The following TCF3 variants were observed in gnomAD, a reference collection of about 807,000 sequenced individuals.
The protein encoded by TCF3 is transcription factor 3.
A neutral mutation model predicts 72.3 loss-of-function variants in TCF3; 54 were observed. The observed-to-expected ratio is 0.75, with a 90% confidence interval of 0.60 to 0.94. TCF3 has a LOEUF of 0.94. Among genes scored for constraint, TCF3 ranks in the 40% least tolerant of loss-of-function variants. The pLI is 0.00. For synonymous variants in TCF3, 525 were observed against 412.6 expected (o/e 1.27, Z -3.30); for missense variants, 1,078 against 934.4 (o/e 1.15, Z -2.00).
At chr19:1,650,061 T>C (rs2066770500) in intron 2 of TCF3, 116 bp downstream of exon 2, 1 of 1,076,232 alleles carries the variant, frequency 9.3e-7, no homozygotes. Flanking sequence ...GGGCCTCCCA[T>C]CCAAACAGCT....
rs184503505 is a variant in TCF3 at position 1,625,759 on chromosome 19, G to A, written c.367-51C>T. On this transcript the variant is annotated intron_variant, in intron 6 of 18. Transcript: ENST00000262965. ...GCGCCCAGCTGGCATCCAGACCCCA[G>A]GCTGTTCCATTCAAGAAAAAACTGC... 66 of 1,443,554 alleles carry A rather than the reference G, an allele frequency of 4.6e-5. No homozygotes were observed. The African/African-American group carries it at 8.3e-4, about 18-fold the overall frequency. 89.4% of individuals were successfully genotyped at this position (1,443,554 alleles called of 1,614,324 possible).
Position 1,615,439 on chromosome 19 carries a change from G to A in TCF3, c.1668C>T (p.Ala556=), listed in dbSNP as rs1052758. Residue 556 remains alanine, a synonymous_variant, in exon 18 of 19, where the codon GCC becomes GCT. Coordinates refer to ENST00000262965, the MANE Select transcript of TCF3 (RefSeq NM_003200.5). This position sits in a 1 kb window ranked among gnomAD's most constrained non-coding sequence, Gnocchi z 7.3. ...REKERRVANN[A]RERLRVRDIN... ...TGTCACGGACCCGCAGCCGCTCCCGGGCGTTATTGGCCACCCGGCGCTCCT... is the reference window on the plus strand; with the variant it reads ...TGTCACGGACCCGCAGCCGCTCCCGAGCGTTATTGGCCACCCGGCGCTCCT... 2 of 1,613,564 alleles carry A rather than the reference G, an allele frequency of 1.2e-6. No individual in the cohort carries two copies. The highest frequency in any genetic ancestry group is 1.7e-5 in the Admixed American group (1 of 60,028).
At chr19:1,650,091 A>G in intron 2 of TCF3, 86 bp downstream of exon 2, 1 of 1,300,762 alleles carries the variant, frequency 7.7e-7, no homozygotes, top group Non-Finnish European at 1.1e-6. Context: ...TCGCTGAAGT[A>G]TTCAGCAAAC....
In TCF3 at chr19:1,624,333, C is replaced by T. The variant is rs10422334; in HGVS notation, c.500-333G>A. ...ATCACTTGAACCCGGGAGGCAGAGG[C>T]TGCAGTGAGCCGAGATCGTGTCACT... On this transcript the variant is annotated intron_variant, in intron 7 of 18. Coordinates refer to ENST00000262965, the MANE Select transcript of TCF3 (RefSeq NM_003200.5). Among the ~76,000 whole-genome samples, 1,257 of 152,180 alleles carry T rather than the reference C, an allele frequency of 8.3e-3. 21 individuals are homozygous for T. Among genetic ancestry groups the T allele is most frequent in the African/African-American group, 0.029 (1,187 of 41,514 alleles).
chr19:1,617,270 T>C (rs1269856408), intron 16 of TCF3, among the ~76,000 whole-genome samples: 5 of 152,176 alleles, frequency 3.3e-5, no homozygotes, highest in Non-Finnish European at 7.3e-5. Flanking sequence ...TGGAATGACC[T>C]ACAGCCCCAC....
At chr19:1,650,321 A>C in intron 1 of TCF3, 34 bp from the exon 2 acceptor site, 1 of 1,437,258 alleles carries the variant, frequency 7.0e-7, no homozygotes, top group Non-Finnish European at 9.5e-7. Flanking sequence ...ATGGACAGGG[A>C]GAAACAGGGA....
intron 5 of TCF3, among the ~76,000 whole-genome samples, chr19:1,629,708 G>C (rs1010966810): frequency 3.9e-5 from 6 of 152,210 alleles, no homozygotes; most frequent in Non-Finnish European, 5.9e-5. Context: ...GCTGACACTG[G>C]GCACGGAATG....
chr19:1,632,149 G>A (rs756785044), intron 4 of TCF3, 33 bp from the exon 5 acceptor site: 10 of 1,604,786 alleles, frequency 6.2e-6, no homozygotes, highest in Non-Finnish European at 8.5e-7. Flanking sequence ...GAGAGGTGCT[G>A]GGGCTTCACA....
intron 3 of TCF3, among the ~76,000 whole-genome samples, chr19:1,642,894 C>T (rs920440012): frequency 5.3e-5 from 8 of 152,322 alleles, no homozygotes; most frequent in Admixed American, 3.3e-4. Flanking sequence ...AAGCAGAACG[C>T]GGAGGTGCCG....
In TCF3 at chr19:1,615,501, C is replaced by T. The variant is rs765725759; in HGVS notation, c.1606G>A (p.Asp536Asn). The stretch of plus-strand genomic sequence containing the variant: ...GCCTTCTGCTCTGGGGGGAGAAGGT[C>T]GTCCTCGTCCTCGTCTGGGCTATGG... ...ARTSPDEDED[D>N]LLPPEQKAER... The change falls in exon 18 of 19, where the codon GAC becomes AAC. Residue 536 changes from aspartate (D) to asparagine (N), a missense_variant. By Grantham distance (23) the Asp-to-Asn change is conservative. Transcript: ENST00000262965. This position sits in a 1 kb window ranked among gnomAD's most constrained non-coding sequence, Gnocchi z 7.3. 13 of 1,608,522 alleles carry T rather than the reference C, an allele frequency of 8.1e-6. No individual in the cohort carries two copies. Among genetic ancestry groups the T allele is most frequent in the East Asian group, 2.2e-5 (1 of 44,874 alleles).
chr19:1,612,247 C>T (rs777705831), intron 18 of TCF3: 2 of 1,607,570 alleles, frequency 1.2e-6, no homozygotes, highest in East Asian at 4.5e-5. Flanking sequence ...CCTGCACGGC[C>T]TGCTGCAGGA....
At position 1,648,670 on chromosome 19, in the gene TCF3, T is replaced by C. The variant is rs566411029; in HGVS notation, c.72+1507A>G. Among the ~76,000 whole-genome samples, 8 of 152,368 alleles carry C rather than the reference T, an allele frequency of 5.3e-5. No individual in the cohort carries two copies. In the East Asian group the frequency reaches 1.2e-3, roughly 22 times the overall value. ...CCCTCCGGCCCTTGGGCTGTTTTTT[T>C]CCGCAGGGTGGCCGGTGTTGTTTCA... is the stretch of plus-strand genomic sequence containing the variant. On this transcript the variant is annotated intron_variant, in intron 2 of 18. Transcript: ENST00000262965.
chr19:1,621,784 T>C (rs1383683367), intron 11 of TCF3, 54 bp downstream of exon 11: 2 of 1,504,022 alleles, frequency 1.3e-6, no homozygotes, highest in Non-Finnish European at 1.8e-6. Context: ...ACCCAGACCC[T>C]GCCTGGAGCC....
chr19:1,629,281 C>T (rs1054124299), intron 5 of TCF3, among the ~76,000 whole-genome samples: 3 of 151,970 alleles, frequency 2.0e-5, no homozygotes, highest in South Asian at 2.1e-4. Context: ...GGGGCCCTGG[C>T]GGGGAGCCCC....
chr19:1,629,656 AC>A (rs1344818277), intron 5 of TCF3, among the ~76,000 whole-genome samples: 2 of 152,196 alleles, frequency 1.3e-5, no homozygotes, highest in East Asian at 3.9e-4. Flanking sequence ...TGAAGCAGGC[AC>A]CCCGATTACT....
rs751659003 is a variant in TCF3 at position 1,627,339 on chromosome 19, G to A, written c.366+20C>T. 5.6e-6 allele frequency: 9 copies of A among 1,598,784 alleles called. No homozygotes were observed. The highest frequency in any genetic ancestry group is 1.8e-4 in the Middle Eastern group (1 of 5,510). ...TTGTTTAAAATCAAAATACACCCCAGCCCGGCCCGAGCCCCTCACCTGAGT... is the reference window on the plus strand; with the variant it reads ...TTGTTTAAAATCAAAATACACCCCAACCCGGCCCGAGCCCCTCACCTGAGT... On this transcript the variant is annotated intron_variant, in intron 6 of 18. Transcript: ENST00000262965.
At chr19:1,650,108 C>T (rs1294197131) in intron 2 of TCF3, 69 bp downstream of exon 2, 1 of 1,421,250 alleles carries the variant, frequency 7.0e-7, no homozygotes, top group South Asian at 1.2e-5. Context: ...AAACACTCTC[C>T]CCTGAAAACC....
At chr19:1,638,929 C>G (rs1421104890) in intron 3 of TCF3, among the ~76,000 whole-genome samples, 1 of 152,212 alleles carries the variant, frequency 6.6e-6, no homozygotes, top group Non-Finnish European at 1.5e-5. Context: ...ACGGTGCCGA[C>G]CAAAGACAGT....
intron 3 of TCF3, among the ~76,000 whole-genome samples, chr19:1,640,798 C>T (rs1400439072): frequency 1.4e-5 from 2 of 147,456 alleles, no homozygotes; most frequent in Non-Finnish European, 3.0e-5. Flanking sequence ...AGCATGACTC[C>T]GTCTCAAAAA....
Sources: gnomAD v4.1 joint callset for allele counts (sites outside exome capture counted in the v4.1 genomes callset) on GRCh38, gnomAD v4.1.1 for gene constraint, Gnocchi (gnomAD v3.1) non-coding constraint, MANE v1.5 for transcripts, NCBI Gene and HGNC (gene_info 2026-07-23, HGNC 2026-07-21) for gene names.